CHSY3: variants seen among roughly 807,000 people sequenced by gnomAD.
CHSY3 encodes the protein N-acetylgalactosaminyl-proteoglycan 3-beta-glucuronosyltransferase 3.
CHSY3 carries 35 observed loss-of-function variants against 67.2 expected under a neutral mutation model. The observed-to-expected ratio is 0.52, with a 90% CI of 0.40 to 0.69. The LOEUF (loss-of-function observed/expected upper bound fraction) is 0.69. Among genes scored for constraint, CHSY3 ranks in the 30% least tolerant of loss-of-function variants. The pLI is 0.00. For missense variants in CHSY3, 1,069 were observed against 1,138.5 expected (o/e 0.94, Z 0.88); for synonymous variants, 474 against 434.7 (o/e 1.09, Z -1.12).
intron 2 of CHSY3, among the ~76,000 whole-genome samples, chr5:130,090,898 T>A (rs1456531620): frequency 2.0e-5 from 3 of 152,292 alleles, no homozygotes; most frequent in African/African-American, 7.2e-5. Context: ...CCTTTGCCTA[T>A]GAAATAAGTG....
chr5:129,992,209 A>G (rs1334627648), intron 2 of CHSY3, among the ~76,000 whole-genome samples: 2 of 152,178 alleles, frequency 1.3e-5, no homozygotes, highest in Admixed American at 6.6e-5. Context: ...TTGCTAAGGC[A>G]CACACTTTCT....
At chr5:130,098,738 A>G (rs1194255911) in intron 2 of CHSY3, among the ~76,000 whole-genome samples, 1 of 152,212 alleles carries the variant, frequency 6.6e-6, no homozygotes, top group Non-Finnish European at 1.5e-5. Context: ...GGAGAAAACT[A>G]AAAGCAATAA....
rs901903251 is a variant in CHSY3, at chr5:130,082,403, T to C, written c.1087-101826T>C. 5.9e-5 allele frequency among the ~76,000 whole-genome samples: 9 copies of C among 152,224 alleles called. No homozygotes were observed. In the South Asian group the frequency reaches 1.0e-3, roughly 18 times the overall value. ...AACAAATTTGAGAAGCAGCTACTAATATGTTTTGTTCAGAGATAAGAAATC... is the reference window on the plus strand; with the variant it reads ...AACAAATTTGAGAAGCAGCTACTAACATGTTTTGTTCAGAGATAAGAAATC... On this transcript the variant is annotated intron_variant, in intron 2 of 2. Coordinates refer to ENST00000305031, the MANE Select transcript of CHSY3 (RefSeq NM_175856.5).
At chr5:130,096,594 T>C (rs1247709997) in intron 2 of CHSY3, among the ~76,000 whole-genome samples, 1 of 152,234 alleles carries the variant, frequency 6.6e-6, no homozygotes, top group Non-Finnish European at 1.5e-5. Flanking sequence ...GCAACTCTTC[T>C]GTAAGTCTAA....
At chr5:130,129,917 AT>A (rs1157404045) in intron 2 of CHSY3, among the ~76,000 whole-genome samples, 1 of 152,180 alleles carries the variant, frequency 6.6e-6, no homozygotes, top group Non-Finnish European at 1.5e-5. Flanking sequence ...AAAATGTAAC[AT>A]TTGACATACT....
In CHSY3 at chr5:130,148,749, G is replaced by A. The variant is rs1031915388; in HGVS notation, c.1087-35480G>A. 1.1e-4 allele frequency among the ~76,000 whole-genome samples: 17 copies of A among 151,920 alleles called. 1 individual carries two copies. In the South Asian group the frequency reaches 2.9e-3, roughly 26 times the overall value. The stretch of plus-strand genomic sequence containing the variant: ...TGCCCGCTTTTTAATGGGGTTTTTT[G>A]TTTTTTTATTGTAAATTTGTTTAAG... On this transcript the variant is annotated intron_variant, in intron 2 of 2. Coordinates refer to ENST00000305031, the MANE Select transcript of CHSY3 (RefSeq NM_175856.5).
intron 2 of CHSY3, among the ~76,000 whole-genome samples, chr5:129,930,657 G>A (rs1761277552): frequency 1.3e-5 from 2 of 151,998 alleles, no homozygotes; most frequent in Admixed American, 6.6e-5. Context: ...AGATGAGGCA[G>A]TCACAGAACC....
intron 2 of CHSY3, among the ~76,000 whole-genome samples, chr5:130,025,018 A>G (rs142826519): frequency 5.3e-5 from 8 of 152,292 alleles, no homozygotes; most frequent in Non-Finnish European, 1.0e-4. Flanking sequence ...TTATGGCATA[A>G]GGCAGGTTAT....
intron 2 of CHSY3, among the ~76,000 whole-genome samples, chr5:130,084,646 G>A (rs1280342358): frequency 6.6e-6 from 1 of 151,646 alleles, no homozygotes; most frequent in African/African-American, 2.4e-5. Flanking sequence ...TTAATCTTTT[G>A]CAGCATTTTG....
At chr5:129,950,200 T>A (rs1217424105) in intron 2 of CHSY3, among the ~76,000 whole-genome samples, 7 of 150,798 alleles carry the variant, frequency 4.6e-5, no homozygotes, top group Non-Finnish European at 5.9e-5. Flanking sequence ...GATGAATAGA[T>A]GCAGGAAAAT....
At chr5:130,039,585 CAG>C (rs1467435587) in intron 2 of CHSY3, among the ~76,000 whole-genome samples, 1 of 139,260 alleles carries the variant, frequency 7.2e-6, no homozygotes, top group Non-Finnish European at 1.6e-5. Context: ...TGTTTTGAGA[CAG>C]GGAGTGCAGT....
intron 2 of CHSY3, among the ~76,000 whole-genome samples, chr5:129,973,836 C>T (rs192752575): frequency 6.6e-5 from 10 of 152,202 alleles, no homozygotes; most frequent in Non-Finnish European, 1.3e-4. Flanking sequence ...ACCCAGACTC[C>T]ATAGCAACAT....
At chr5:129,965,184 G>A (rs181333376) in intron 2 of CHSY3, among the ~76,000 whole-genome samples, 23 of 151,962 alleles carry the variant, frequency 1.5e-4, no homozygotes, top group Admixed American at 1.5e-3. Context: ...GCTCTGAAAT[G>A]GGTGGTAGAA....
chr5:130,164,297 A>C (rs868488090), intron 2 of CHSY3, among the ~76,000 whole-genome samples: 1 of 152,174 alleles, frequency 6.6e-6, no homozygotes, highest in Admixed American at 6.6e-5. Flanking sequence ...AAACAACAGG[A>C]TAATTAGGGA....
intron 2 of CHSY3, among the ~76,000 whole-genome samples, chr5:130,095,859 C>T (rs2149695459): frequency 6.6e-6 from 1 of 152,320 alleles, no homozygotes; most frequent in East Asian, 1.9e-4. Context: ...ACATAACCAC[C>T]AATACGTATA....
intron 2 of CHSY3, among the ~76,000 whole-genome samples, chr5:130,180,857 CA>C (rs1770223052): frequency 6.6e-6 from 1 of 151,832 alleles, no homozygotes. Context: ...CTCAAGAAAA[CA>C]AAAAACAAAA....
chr5:130,029,379 T>C (rs1561504618), intron 2 of CHSY3, among the ~76,000 whole-genome samples: 1 of 152,060 alleles, frequency 6.6e-6, no homozygotes, highest in African/African-American at 2.4e-5. Flanking sequence ...GAAATTGAGG[T>C]TTAGAAAATT....
At chr5:130,052,802 A>T (rs1342772740) in intron 2 of CHSY3, among the ~76,000 whole-genome samples, 2 of 152,170 alleles carry the variant, frequency 1.3e-5, no homozygotes, top group Non-Finnish European at 2.9e-5. Context: ...TCTATTTTAC[A>T]AATGAAAAGC....
intron 2 of CHSY3, among the ~76,000 whole-genome samples, chr5:130,044,611 T>C (rs1216228001): frequency 2.0e-5 from 3 of 151,942 alleles, no homozygotes; most frequent in African/African-American, 7.3e-5. Context: ...CATTATGAAG[T>C]AGTAGAATTT....
Sources: allele counts gnomAD v4.1 joint callset (sites outside exome capture counted in the v4.1 genomes callset), GRCh38; gene constraint gnomAD v4.1.1; transcripts MANE v1.5; gene names NCBI Gene and HGNC (gene_info 2026-07-23, HGNC 2026-07-21).